PRDM16: variants seen among roughly 807,000 people sequenced by gnomAD.
The protein encoded by PRDM16 is histone-lysine N-methyltransferase PRDM16.
In PRDM16, 23 loss-of-function variants were observed where a neutral mutation model predicts 110.6. That is an observed-to-expected ratio of 0.21 (90% CI 0.15 to 0.29). PRDM16 has a LOEUF of 0.29. PRDM16 is among the 10% of genes least tolerant of loss of function. The pLI is 1.00. For synonymous variants in PRDM16, 799 were observed against 781.8 expected, an observed-to-expected ratio of 1.02 and a Z score of -0.37; for missense variants, 1,615 against 1,794.3, an observed-to-expected ratio of 0.90 and a Z score of 1.81.
At chr1:3,264,350 T>C (rs1156880747) in intron 3 of PRDM16, among the ~76,000 whole-genome samples, 110 of 70,478 alleles carry the variant, frequency 1.6e-3, no homozygotes, top group African/African-American at 1.8e-3. Context: ...AGGGGAGGGG[T>C]GTGGAGGGGC....
intron 5 of PRDM16, among the ~76,000 whole-genome samples, chr1:3,402,502 C>T (rs1439743605): frequency 6.6e-6 from 1 of 152,254 alleles, no homozygotes; most frequent in Non-Finnish European, 1.5e-5. Context: ...CCCACAGTGG[C>T]TGCCTGAGGC....
intron 3 of PRDM16, among the ~76,000 whole-genome samples, chr1:3,311,241 C>T (rs569707723): frequency 3.9e-5 from 6 of 152,350 alleles, no homozygotes; most frequent in East Asian, 3.9e-4. Flanking sequence ...TGCCGCCACT[C>T]CGAGGCCGGG....
chr1:3,226,664 T>G (rs549982494), intron 2 of PRDM16, among the ~76,000 whole-genome samples: 2 of 152,296 alleles, frequency 1.3e-5, no homozygotes, highest in East Asian at 3.9e-4. Flanking sequence ...TAAAAATAAA[T>G]GTTTCCCCTT....
chr1:3,296,410 G>C (rs564482370), intron 3 of PRDM16, among the ~76,000 whole-genome samples: 2 of 152,250 alleles, frequency 1.3e-5, no homozygotes, highest in Non-Finnish European at 2.9e-5. Context: ...ACTCTGTGCG[G>C]AACTGGGGCC....
At chr1:3,200,416 C>A (rs988507093) in intron 2 of PRDM16, among the ~76,000 whole-genome samples, 28 of 152,212 alleles carry the variant, frequency 1.8e-4, no homozygotes, top group African/African-American at 5.3e-4. Flanking sequence ...TATCTCCGCT[C>A]ACTGCAAGCT....
chr1:3,436,073 C>T lies in PRDM16; in HGVS notation c.*2262C>T. ...CCCTGGGTCAGACCCACCAGGTACC[C>T]CGTAGGAATTTCCAGTTTCCCTTGA... On this transcript the variant is annotated 3_prime_UTR_variant, in exon 17 of 17. Transcript: ENST00000270722. The T allele has an allele frequency of 4.3e-6, 1 of 231,134 alleles. No individual in the cohort carries two copies. Among genetic ancestry groups the T allele is most frequent in the Non-Finnish European group, 8.6e-6 (1 of 116,754 alleles). 14.3% of individuals were successfully genotyped at this position (231,134 alleles called of 1,614,324 possible).
intron 1 of PRDM16, among the ~76,000 whole-genome samples, chr1:3,108,719 A>T (rs1451364206): frequency 6.6e-6 from 1 of 152,132 alleles, no homozygotes; most frequent in Non-Finnish European, 1.5e-5. Context: ...TGGCCCTGAG[A>T]TGGGAGCTGG....
In PRDM16 at chr1:3,079,012, A is replaced by C. The variant is rs540116710; in HGVS notation, c.37+9716A>C. On this transcript the variant is annotated intron_variant, in intron 1 of 16. Coordinates refer to ENST00000270722, the MANE Select transcript of PRDM16 (RefSeq NM_022114.4). ...GACCAAAAATGACGCTCACCGGAGG[A>C]GCCCAAACGGTGACCGCAGGGTGGC... Among the ~76,000 whole-genome samples, 4 of 152,358 alleles carry C rather than the reference A, an allele frequency of 2.6e-5. No homozygotes were observed. In the East Asian group the frequency reaches 7.7e-4, roughly 29 times the overall value.
At chr1:3,129,506 A>G (rs1643290224) in intron 1 of PRDM16, among the ~76,000 whole-genome samples, 1 of 152,084 alleles carries the variant, frequency 6.6e-6, no homozygotes, top group Non-Finnish European at 1.5e-5. Flanking sequence ...CACTGGCTGA[A>G]CCACAGGGGT....
At chr1:3,073,794 C>A (rs1255734272) in intron 1 of PRDM16, among the ~76,000 whole-genome samples, 1 of 152,168 alleles carries the variant, frequency 6.6e-6, no homozygotes. Flanking sequence ...CCGACCCTGG[C>A]CCAGCGGGAG....
At chr1:3,253,308 T>G (rs974177417) in intron 3 of PRDM16, among the ~76,000 whole-genome samples, 1 of 151,326 alleles carries the variant, frequency 6.6e-6, no homozygotes, top group Non-Finnish European at 1.5e-5. Context: ...CTGTACCCAA[T>G]AACTCGTCAT....
intron 2 of PRDM16, among the ~76,000 whole-genome samples, chr1:3,221,970 G>A (rs1192965853): frequency 6.6e-6 from 1 of 152,236 alleles, no homozygotes; most frequent in Non-Finnish European, 1.5e-5. Context: ...TGGGGATACA[G>A]TAAACTTCAT....
At chr1:3,181,779 T>G (rs111163187) in intron 1 of PRDM16, among the ~76,000 whole-genome samples, 1 of 84,346 alleles carries the variant, frequency 1.2e-5, no homozygotes, top group Non-Finnish European at 2.3e-5. Context: ...GTCTTACACA[T>G]GCAGTCTTAC....
chr1:3,293,003 G>T (rs920726411), intron 3 of PRDM16, among the ~76,000 whole-genome samples: 2 of 152,254 alleles, frequency 1.3e-5, no homozygotes, highest in African/African-American at 4.8e-5. Context: ...AGGAGCCTCA[G>T]TTCGGCTGTC....
chr1:3,272,765 C>T (rs1213747517), intron 3 of PRDM16, among the ~76,000 whole-genome samples: 1 of 152,202 alleles, frequency 6.6e-6, no homozygotes, highest in Non-Finnish European at 1.5e-5. Context: ...GCCTTCCAGG[C>T]CTGGAACAAG....
At chr1:3,098,698 C>T (rs976075118) in intron 1 of PRDM16, among the ~76,000 whole-genome samples, 4 of 152,216 alleles carry the variant, frequency 2.6e-5, no homozygotes, top group Admixed American at 2.0e-4. Flanking sequence ...GAGGTCTACA[C>T]GGGGGTGCTG....
intron 3 of PRDM16, among the ~76,000 whole-genome samples, chr1:3,352,501 G>T (rs1466736589): frequency 1.3e-5 from 2 of 152,164 alleles, no homozygotes; most frequent in African/African-American, 4.8e-5. Flanking sequence ...CATTTCGTTT[G>T]TTCTCCTTTC....
chr1:3,273,272 C>G (rs1640499371), intron 3 of PRDM16, among the ~76,000 whole-genome samples: 1 of 152,186 alleles, frequency 6.6e-6, no homozygotes, highest in Admixed American at 6.5e-5. Flanking sequence ...CCTTGGATCA[C>G]CACCCCAGTG....
Position 3,114,532 on chromosome 1 carries a change from A to G in PRDM16, c.37+45236A>G, listed in dbSNP as rs532396464. Reference sequence around the variant, plus strand: ...CACACACACATGAACACACGCACACATGCACACATGAACACACACACGTGC... The same window carrying G: ...CACACACACATGAACACACGCACACGTGCACACATGAACACACACACGTGC... On this transcript the variant is annotated intron_variant, in intron 1 of 16. Transcript: ENST00000270722. 2.2e-4 allele frequency among the ~76,000 whole-genome samples: 33 copies of G among 152,024 alleles called. 1 individual carries two copies. In the South Asian group the frequency reaches 2.3e-3, roughly 11 times the overall value.
Sources: allele counts gnomAD v4.1 joint callset (sites outside exome capture counted in the v4.1 genomes callset), GRCh38; gene constraint gnomAD v4.1.1; transcripts MANE v1.5; gene names NCBI Gene and HGNC (gene_info 2026-07-23, HGNC 2026-07-21).